HECTD4: variants seen among roughly 807,000 people sequenced by gnomAD.
HECTD4 encodes the protein probable E3 ubiquitin-protein ligase HECTD4.
In HECTD4, 114 loss-of-function variants were observed where a neutral mutation model predicts 471.5. The ratio of observed to expected loss-of-function variants is 0.24; its 90% CI spans 0.21 to 0.28. The LOEUF (loss-of-function observed/expected upper bound fraction) is 0.28. Among genes scored for constraint, HECTD4 ranks in the 10% least tolerant of loss-of-function variants. HECTD4 has a pLI of 1.00. For missense variants in HECTD4, 3,866 were observed against 5,651.5 expected (o/e 0.68, Z 10.13); for synonymous variants, 2,012 against 2,256.0 (o/e 0.89, Z 3.07).
intron 64 of HECTD4, among the ~76,000 whole-genome samples, chr12:112,178,104 G>A (rs192461018): frequency 1.2e-3 from 184 of 152,148 alleles, no homozygotes; most frequent in Non-Finnish European, 2.1e-3. Context: ...ATAGGGTCTC[G>A]TTCTGTCACC....
intron 60 of HECTD4, among the ~76,000 whole-genome samples, chr12:112,190,123 T>A (rs1452720558): frequency 1.3e-5 from 2 of 152,208 alleles, no homozygotes; most frequent in African/African-American, 2.4e-5. Flanking sequence ...CTGAAGAAAT[T>A]ATACAGTAAA....
At chr12:112,200,466 G>A (rs551204894) in intron 55 of HECTD4, among the ~76,000 whole-genome samples, 172 bp downstream of exon 55, 5 of 152,130 alleles carry the variant, frequency 3.3e-5, no homozygotes, top group African/African-American at 1.2e-4. Context: ...TAGATCCCCC[G>A]ACTTTTCTTC....
chr12:112,339,536 T>C (rs1244466282), intron 1 of HECTD4, among the ~76,000 whole-genome samples: 1 of 152,064 alleles, frequency 6.6e-6, no homozygotes, highest in Non-Finnish European at 1.5e-5. Flanking sequence ...AAGGTACTAG[T>C]AAGGGTCTAT....
chr12:112,234,768 T>A (rs1283098442), intron 37 of HECTD4, among the ~76,000 whole-genome samples: 1 of 152,196 alleles, frequency 6.6e-6, no homozygotes, highest in African/African-American at 2.4e-5. Flanking sequence ...AAAGCCCAAG[T>A]CACACTGGAG....
intron 62 of HECTD4, among the ~76,000 whole-genome samples, chr12:112,182,760 C>T (rs908384925): frequency 1.3e-5 from 2 of 152,268 alleles, no homozygotes; most frequent in African/African-American, 4.8e-5. Flanking sequence ...GCTGCCCCCA[C>T]GGCCTTCAGC....
Position 112,190,786 on chromosome 12 carries a change from C to T in HECTD4, c.9472G>A (p.Gly3158Arg), listed in dbSNP as rs2032051811. The change falls in exon 60 of 76, where the codon GGA becomes AGA. Residue 3158 changes from glycine (G) to arginine (R), a missense_variant and splice_region_variant. Around this residue, in one of 16 missense-constraint regions of HECTD4, gnomAD observed 364 missense variants for 413.2 expected, o/e 0.88. Coordinates refer to ENST00000682272, the MANE Select transcript of HECTD4 (RefSeq NM_001388303.1). Reference protein sequence around the residue: ...SVLLQVVELLGNFLWTTDMAA... With the variant: ...SVLLQVVELLRNFLWTTDMAA... ...CGATCCCCAGGGAAGGCAGCCTCAC[C>T]TAGCAGCTCCACCACCTGCAGGAGG... 1 of 1,576,016 alleles carries T rather than the reference C, an allele frequency of 6.3e-7. No individual in the cohort carries two copies. Among genetic ancestry groups the T allele is most frequent in the Non-Finnish European group, 8.6e-7 (1 of 1,160,602 alleles).
chr12:112,259,221 T>C lies in HECTD4; in HGVS notation c.2918A>G (p.His973Arg), dbSNP rs1207581088. Residue 973 changes from histidine to arginine, a missense_variant, in exon 19 of 76, where the codon CAC becomes CGC. Physicochemically the swap from His to Arg is conservative, Grantham distance 29. This residue lies in a region of HECTD4 where 525 missense variants were observed against 672.6 expected (regional missense o/e 0.78). Transcript: ENST00000682272. ...GGAGGTCAGTAACACTGGAAGAAGG[T>C]GACCAAGCATAGTAGCCTTAGTAAC... The part of the protein sequence containing the change: ...EQVTKATMLG[H>R]LLPVLLTSLM... 8.1e-6 allele frequency: 13 copies of C among 1,613,868 alleles called. No individual in the cohort carries two copies. Among genetic ancestry groups the C allele is most frequent in the Non-Finnish European group, 1.1e-5 (13 of 1,179,826 alleles).
At chr12:112,176,769 G>T in intron 64 of HECTD4, 67 bp from the exon 65 acceptor site, 1 of 1,192,214 alleles carries the variant, frequency 8.4e-7, no homozygotes, top group Non-Finnish European at 1.3e-6. Context: ...GAAATACACA[G>T]CCTCATAGTC....
At chr12:112,287,456 A>T (rs1470358322) in intron 7 of HECTD4, among the ~76,000 whole-genome samples, 1 of 152,220 alleles carries the variant, frequency 6.6e-6, no homozygotes, top group East Asian at 1.9e-4. Flanking sequence ...TAGTGTGTCC[A>T]TTACTACATT....
intron 1 of HECTD4, among the ~76,000 whole-genome samples, chr12:112,344,804 G>A (rs1349517596): frequency 6.6e-6 from 1 of 152,092 alleles, no homozygotes; most frequent in Non-Finnish European, 1.5e-5. Context: ...TGTAATCCCA[G>A]CTATTTGGGA....
intron 1 of HECTD4, among the ~76,000 whole-genome samples, chr12:112,338,022 T>TA (rs1417276311): frequency 1.3e-5 from 2 of 152,212 alleles, no homozygotes; most frequent in African/African-American, 4.8e-5. Flanking sequence ...AAACAACAGA[T>TA]ATTTACTCTC....
At chr12:112,295,536 C>T (rs1001182385) in intron 7 of HECTD4, among the ~76,000 whole-genome samples, 1 of 149,930 alleles carries the variant, frequency 6.7e-6, no homozygotes, top group African/African-American at 2.5e-5. Flanking sequence ...GACAGGGCCT[C>T]ACTTTGTTGC....
At chr12:112,375,244 G>A (rs2036755042) in intron 1 of HECTD4, among the ~76,000 whole-genome samples, 1 of 152,178 alleles carries the variant, frequency 6.6e-6, no homozygotes, top group Non-Finnish European at 1.5e-5. Context: ...TTTTGTTGCT[G>A]AGTAATACTC....
Position 112,273,180 on chromosome 12 carries a change from C to G in HECTD4, c.1942+475G>C, listed in dbSNP as rs574948975. On this transcript the variant is annotated intron_variant, in intron 11 of 75. Coordinates refer to ENST00000682272, the MANE Select transcript of HECTD4 (RefSeq NM_001388303.1). ...GGACTTGCTGAGTGATTAATTCCTC[C>G]ATATTAGCATAGTTGACTTTAAAGC... 2.6e-5 allele frequency among the ~76,000 whole-genome samples: 4 copies of G among 152,242 alleles called. No individual in the cohort carries two copies. In the South Asian group the frequency reaches 8.3e-4, roughly 32 times the overall value.
intron 17 of HECTD4, among the ~76,000 whole-genome samples, chr12:112,263,357 T>A (rs1247408645): frequency 3.9e-5 from 6 of 152,202 alleles, no homozygotes; most frequent in Non-Finnish European, 7.3e-5. Flanking sequence ...TCAGTGTGTT[T>A]AACATTTTAA....
At chr12:112,169,453 G>C in intron 70 of HECTD4, 50 bp downstream of exon 70, 1 of 1,544,462 alleles carries the variant, frequency 6.5e-7, no homozygotes, top group Non-Finnish European at 8.7e-7. Context: ...GCTAAGGCTG[G>C]ACACTAAACA....
At chr12:112,327,294 G>A (rs976699363) in intron 1 of HECTD4, among the ~76,000 whole-genome samples, 28 of 152,058 alleles carry the variant, frequency 1.8e-4, no homozygotes, top group Non-Finnish European at 3.7e-4. Context: ...TCCAGCCTGG[G>A]CGACAGAGCA....
chr12:112,283,366 C>G, intron 7 of HECTD4, 64 bp from the exon 8 acceptor site: 2 of 1,269,522 alleles, frequency 1.6e-6, no homozygotes, highest in Non-Finnish European at 2.2e-6. Context: ...CAAATTTCTA[C>G]TGAGGATATT....
chr12:112,269,848 A>T lies in HECTD4; in HGVS notation c.2177T>A (p.Val726Glu). ...IIRCILVVFQ[V>E]VFKFFFSPQT... ...TGGGCTGAAGAAAAATTTAAATACC[A>T]CCTACAGAAACAGAAGGAGTCTATC... Residue 726 changes from valine (V) to glutamate (E), a missense_variant and splice_region_variant, in exon 13 of 76, where the codon GTG becomes GAG. Coordinates refer to ENST00000682272, the MANE Select transcript of HECTD4 (RefSeq NM_001388303.1). 1 of 1,612,972 alleles carries T rather than the reference A, an allele frequency of 6.2e-7. No homozygotes were observed.
Sources: allele counts gnomAD v4.1 joint callset (sites outside exome capture counted in the v4.1 genomes callset), GRCh38; gene constraint gnomAD v4.1.1; regional missense constraint gnomAD v4.1.1; transcripts MANE v1.5; gene names NCBI Gene and HGNC (gene_info 2026-07-23, HGNC 2026-07-21).